MYH16: variants seen among roughly 807,000 people sequenced by gnomAD.
MYH16 encodes the protein myosin heavy chain 16.
chr7:99,242,645 A>T (rs1791679515), intron 1 of MYH16, among the ~76,000 whole-genome samples: 1 of 152,214 alleles, frequency 6.6e-6, no homozygotes, highest in Non-Finnish European at 1.5e-5. Flanking sequence ...CTCAAAAAAT[A>T]AAATTAAATT....
intron 33 of MYH16, among the ~76,000 whole-genome samples, chr7:99,295,459 C>T (rs1010147418): frequency 1.2e-4 from 19 of 152,224 alleles, no homozygotes; most frequent in African/African-American, 3.6e-4. Context: ...ACATACTTTG[C>T]GTGGCTAACT....
At position 99,261,973 on chromosome 7, in the gene MYH16, C is replaced by G. The variant is rs1791942108; in HGVS notation, n.1755+340C>G. The G allele has an allele frequency of 2.6e-5, 4 of 152,320 alleles. No homozygotes were observed. In the South Asian group the frequency reaches 8.3e-4, roughly 32 times the overall value. The allele number at this position is 152,320 out of a possible 1,614,324, so 9.4% of individuals were successfully genotyped here. On this transcript the variant is annotated intron_variant and non_coding_transcript_variant, in intron 13 of 41. Coordinates refer to ENST00000439784, the Ensembl canonical transcript of MYH16. Reference sequence around the variant, plus strand: ...TGCGAAAAGAACAAAAAAGAACAAACAACAAAAATTCCACGAGCCCATTAA... The same window carrying G: ...TGCGAAAAGAACAAAAAAGAACAAAGAACAAAAATTCCACGAGCCCATTAA...
chr7:99,255,524 T>C (rs1791861019), intron 8 of MYH16: 1 of 152,480 alleles, frequency 6.6e-6, no homozygotes, highest in Admixed American at 6.6e-5. Flanking sequence ...AGGTTAGAGA[T>C]GGCAGAGAAG....
chr7:99,259,769 T>A (rs1179241523), intron 11 of MYH16, among the ~76,000 whole-genome samples: 1 of 148,216 alleles, frequency 6.7e-6, no homozygotes, highest in Non-Finnish European at 1.5e-5. Flanking sequence ...ATATTATATA[T>A]ACATATATAC....
rs113890742 is a variant in MYH16, at chr7:99,302,659, C to T, written n.5138-406C>T. 9.4e-3 allele frequency among the ~76,000 whole-genome samples: 1,428 copies of T among 151,904 alleles called. 35 individuals carry two copies. The highest frequency in any genetic ancestry group is 0.033 in the African/African-American group (1,378 of 41,404). On this transcript the variant is annotated intron_variant and non_coding_transcript_variant, in intron 38 of 41. Coordinates refer to ENST00000439784, the Ensembl canonical transcript of MYH16. ...ACTATGGGAGGCAGAGGTGGGAGGA[C>T]TGCTTGAGGCCAAGAGTTCAAGACC...
rs1055539525 is a variant in MYH16 at position 99,260,290 on chromosome 7, G to A, written n.1531G>A. On this transcript the variant is annotated non_coding_transcript_exon_variant, in exon 12 of 42. Coordinates refer to ENST00000439784, the Ensembl canonical transcript of MYH16. ...GGAAGGCATCGAGTGGGTCTTCATC[G>A]ACTTTGGCCTCGACCTTCAGGCCTG... is the stretch of plus-strand genomic sequence containing the variant. 1.1e-4 allele frequency: 166 copies of A among 1,551,352 alleles called. 3 individuals carry two copies. The highest frequency in any genetic ancestry group is 1.9e-4 in the African/African-American group (14 of 73,244).
intron 32 of MYH16, among the ~76,000 whole-genome samples, chr7:99,293,811 G>A (rs1027978155): frequency 1.3e-5 from 2 of 149,266 alleles, no homozygotes; most frequent in Non-Finnish European, 2.9e-5. Context: ...AATCCTTGAC[G>A]CAGGGTAGAG....
At chr7:99,260,444 T>A in intron 12 of MYH16, 1 of 527,574 alleles carries the variant, frequency 1.9e-6, no homozygotes, top group South Asian at 1.9e-5. Context: ...ACACCACCAG[T>A]GACCTTCCTT....
chr7:99,246,563 G>T (rs779323308), intron 2 of MYH16, among the ~76,000 whole-genome samples: 4 of 152,118 alleles, frequency 2.6e-5, no homozygotes, highest in Non-Finnish European at 4.4e-5. Context: ...TTAGCCGGGC[G>T]TGGTGGCGTG....
intron 2 of MYH16, among the ~76,000 whole-genome samples, chr7:99,246,013 G>A (rs562712432): frequency 8.6e-5 from 13 of 151,662 alleles, no homozygotes; most frequent in Admixed American, 2.6e-4. Context: ...ACAAGCCTGA[G>A]CAACACGGCA....
intron 40 of MYH16, 172 bp from the exon 22 acceptor site, chr7:99,305,664 T>C (rs747985237): frequency 2.0e-4 from 30 of 152,822 alleles, no homozygotes; most frequent in Non-Finnish European, 3.9e-4. Flanking sequence ...CAAAACCACA[T>C]GTTCCAGGAG....
At chr7:99,294,781 G>A (rs1410437082) in intron 33 of MYH16, among the ~76,000 whole-genome samples, 1 of 151,900 alleles carries the variant, frequency 6.6e-6, no homozygotes, top group Non-Finnish European at 1.5e-5. Flanking sequence ...GGCCAGGCTG[G>A]TCTCGAACTC....
chr7:99,288,606 T>C (rs2150825760), intron 29 of MYH16, among the ~76,000 whole-genome samples: 2 of 149,630 alleles, frequency 1.3e-5, no homozygotes, highest in East Asian at 2.0e-4. Context: ...AAAAATTGCT[T>C]GAACCTGGGA....
intron 18 of MYH16, among the ~76,000 whole-genome samples, chr7:99,267,269 G>T (rs559819382): frequency 6.0e-4 from 91 of 152,294 alleles, no homozygotes; most frequent in Non-Finnish European, 8.2e-4. Context: ...TTGAGACAGG[G>T]TCTTCCTGGA....
At chr7:99,262,977 G>A (rs1436511840) in intron 13 of MYH16, among the ~76,000 whole-genome samples, 1 of 152,240 alleles carries the variant, frequency 6.6e-6, no homozygotes, top group African/African-American at 2.4e-5. Flanking sequence ...CCAAGGGTCA[G>A]GGAGGGTCAG....
intron 37 of MYH16, among the ~76,000 whole-genome samples, chr7:99,301,154 C>T (rs1792588173): frequency 7.4e-6 from 1 of 134,790 alleles, no homozygotes; most frequent in South Asian, 2.5e-4. Context: ...TGAGATCATG[C>T]CATTGAACTC....
intron 14 of MYH16, among the ~76,000 whole-genome samples, chr7:99,263,717 G>A (rs1053686500): frequency 2.0e-5 from 3 of 152,198 alleles, no homozygotes; most frequent in Non-Finnish European, 4.4e-5. Flanking sequence ...TTGCCTCTAG[G>A]TGGATGGATA....
chr7:99,307,013 A>G (rs1245709849), downstream of MYH16, among the ~76,000 whole-genome samples: 1 of 152,100 alleles, frequency 6.6e-6, no homozygotes, highest in Admixed American at 6.5e-5. Flanking sequence ...CTCCTTCTTC[A>G]GCTGCAAAAC....
intron 2 of MYH16, among the ~76,000 whole-genome samples, chr7:99,246,195 G>C (rs1337241214): frequency 6.8e-6 from 1 of 147,240 alleles, no homozygotes; most frequent in Non-Finnish European, 1.5e-5. Flanking sequence ...GATAGAGCAA[G>C]GCTCTGTCTC....
Sources: allele counts gnomAD v4.1 joint callset (sites outside exome capture counted in the v4.1 genomes callset), GRCh38; gene constraint gnomAD v4.1.1; transcripts MANE v1.5; gene names NCBI Gene and HGNC (gene_info 2026-07-23, HGNC 2026-07-21).